DENND3: variants seen among roughly 807,000 people sequenced by gnomAD.
The protein encoded by DENND3 is DENN domain containing 3.
DENND3 carries 88 observed loss-of-function variants against 135.1 expected under a neutral mutation model. The ratio of observed to expected loss-of-function variants is 0.65; its 90% CI spans 0.55 to 0.78. The LOEUF is 0.78. Among genes scored for constraint, DENND3 ranks in the 30% least tolerant of loss-of-function variants. The pLI is 0.00. For missense variants in DENND3, 1,392 were observed against 1,688.4 expected, an observed-to-expected ratio of 0.82 and a Z score of 3.08; for synonymous variants, 693 against 712.3, an observed-to-expected ratio of 0.97 and a Z score of 0.43.
chr8:141,145,436 G>A (rs907361712), intron 5 of DENND3, among the ~76,000 whole-genome samples: 9 of 152,040 alleles, frequency 5.9e-5, no homozygotes, highest in South Asian at 2.1e-4. Context: ...ACTGTAACCC[G>A]GCCCTCTGGG....
chr8:141,192,521 T>C lies in DENND3; in HGVS notation c.3499-5T>C. 6.2e-7 allele frequency: 1 copy of C among 1,600,218 alleles called. No homozygotes were observed. Among genetic ancestry groups the C allele is most frequent in the Non-Finnish European group, 8.5e-7 (1 of 1,171,960 alleles). ...CCATAGCCCACACCGTGCCCTGCGTTTCAGGAGGAGCAGCTGTGGGCGGCC... is the reference window on the plus strand; with the variant it reads ...CCATAGCCCACACCGTGCCCTGCGTCTCAGGAGGAGCAGCTGTGGGCGGCC... On this transcript the variant is annotated splice_region_variant and splice_polypyrimidine_tract_variant and intron_variant, in intron 21 of 22. Transcript: ENST00000519811.
intron 18 of DENND3, 42 bp from the exon 19 acceptor site, chr8:141,188,944 C>G (rs373358836): frequency 3.1e-6 from 5 of 1,602,110 alleles, no homozygotes; most frequent in Non-Finnish European, 3.4e-6. Context: ...TCACCAGTAT[C>G]GAGACTGACT....
rs995499523 is a variant in DENND3 at position 141,182,137 on chromosome 8, C to T, written c.2944+1283C>T. On this transcript the variant is annotated intron_variant, in intron 17 of 22. Coordinates refer to ENST00000519811, the MANE Select transcript of DENND3 (RefSeq NM_001352890.3). This position sits in a 1 kb window ranked among gnomAD's most constrained non-coding sequence, Gnocchi z 5.9. ...ATTGTCACTTTGTTTGTTGCATCTG[C>T]GTCTGCAGGTGTCAGCCGTAGGTGT... Among the ~76,000 whole-genome samples, 2 of 152,182 alleles carry T rather than the reference C, an allele frequency of 1.3e-5. No homozygotes were observed. Among genetic ancestry groups the T allele is most frequent in the South Asian group, 2.1e-4 (1 of 4,828 alleles).
In DENND3 at chr8:141,176,720, A is replaced by G; in HGVS notation, c.2665A>G (p.Lys889Glu). 6.2e-7 allele frequency: 1 copy of G among 1,614,174 alleles called. No homozygotes were observed. The highest frequency in any genetic ancestry group is 8.5e-7 in the Non-Finnish European group (1 of 1,180,018). Reference sequence around the variant, plus strand: ...GTGTGACCTTTGGCACCTGATGGTGAAGGAGATGTGGGCTGGGAAGAAGCT... The same window carrying G: ...GTGTGACCTTTGGCACCTGATGGTGGAGGAGATGTGGGCTGGGAAGAAGCT... Reference protein sequence around the residue: ...TECDLWHLMVKEMWAGKKLAD... With the variant: ...TECDLWHLMVEEMWAGKKLAD... The change falls in exon 15 of 23, where the codon AAG (lysine) becomes GAG (glutamate). Residue 889 changes from lysine (K) to glutamate (E), a missense_variant. Physicochemically the swap from Lys to Glu is moderately conservative, Grantham distance 56. Transcript: ENST00000519811.
Position 141,175,712 on chromosome 8 carries a change from G to T in DENND3, c.2535+253G>T. ...GAATGGTAACTGATTCTCTGTCACA[G>T]CTGACTTGCATCTGGGAGGCAGGAA... is the stretch of plus-strand genomic sequence containing the variant. On this transcript the variant is annotated intron_variant, in intron 14 of 22. Transcript: ENST00000519811. The surrounding 1 kb of genome is among the most constrained non-coding windows in gnomAD (Gnocchi z 5.4). The T allele has an allele frequency of 1.9e-6, 1 of 531,754 alleles. No individual in the cohort carries two copies. The highest frequency in any genetic ancestry group is 3.4e-6 in the Non-Finnish European group (1 of 295,512). The allele number at this position is 531,754 out of a possible 1,614,324, so 32.9% of individuals were successfully genotyped here.
rs931486822 is a variant in DENND3 at position 141,137,578 on chromosome 8, C to T, written c.386-444C>T. Among the ~76,000 whole-genome samples, 6 of 152,206 alleles carry T rather than the reference C, an allele frequency of 3.9e-5. No homozygotes were observed. The highest frequency in any genetic ancestry group is 1.4e-4 in the African/African-American group (6 of 41,430). On this transcript the variant is annotated intron_variant, in intron 2 of 22. Coordinates refer to ENST00000519811, the MANE Select transcript of DENND3 (RefSeq NM_001352890.3). The surrounding 1 kb of genome is among the most constrained non-coding windows in gnomAD (Gnocchi z 4.1). ...AGAAGCACAGGCCTGCACTTAGTCC[C>T]CAGGCTCGCCAGTTCCAGTTAACAG...
chr8:141,138,677 G>T lies in DENND3; in HGVS notation c.501+540G>T, dbSNP rs561348484. 1.4e-4 allele frequency among the ~76,000 whole-genome samples: 21 copies of T among 152,202 alleles called. No individual in the cohort carries two copies. The highest frequency in any genetic ancestry group is 4.8e-4 in the African/African-American group (20 of 41,530). ...CTGGGATTACAGGTGTGAGCGCTGCGCCCGGCCGGCTAATCCCCTTTCTGT... is the reference window on the plus strand; with the variant it reads ...CTGGGATTACAGGTGTGAGCGCTGCTCCCGGCCGGCTAATCCCCTTTCTGT... On this transcript the variant is annotated intron_variant, in intron 3 of 22. Transcript: ENST00000519811. This position sits in a 1 kb window ranked among gnomAD's most constrained non-coding sequence, Gnocchi z 4.8.
chr8:141,188,718 G>C (rs1457579720), intron 18 of DENND3: 6 of 423,002 alleles, frequency 1.4e-5, no homozygotes, highest in Non-Finnish European at 2.5e-5. Flanking sequence ...CGCAGTGACA[G>C]TGCTGGCGGC....
chr8:141,135,858 G>T (rs1191155949), intron 1 of DENND3, among the ~76,000 whole-genome samples: 1 of 152,230 alleles, frequency 6.6e-6, no homozygotes, highest in Non-Finnish European at 1.5e-5. Flanking sequence ...GGACTGTTTG[G>T]TCAGCCGAGG....
rs150945669 is a variant in DENND3 at position 141,192,205 on chromosome 8, G to A, written c.3380-126G>A. 1,788 of 1,329,396 alleles carry A rather than the reference G, an allele frequency of 1.3e-3. 22 individuals carry two copies. The African/African-American group carries it at 0.023, about 17-fold the overall frequency. 82.4% of individuals were successfully genotyped at this position (1,329,396 alleles called of 1,614,324 possible). On this transcript the variant is annotated intron_variant, in intron 20 of 22. Transcript: ENST00000519811. ...GACCTCACCTGTGCATTCCTCAGGC[G>A]CCAGGTGGCACGTGGTGATCCCCCC...
chr8:141,136,943 A>G, intron 2 of DENND3, 152 bp downstream of exon 2: 2 of 629,296 alleles, frequency 3.2e-6, no homozygotes, highest in Non-Finnish European at 4.6e-6. Flanking sequence ...AGTTTTCTTA[A>G]TCTTGGGGAT....
rs1304817644 is a variant in DENND3 at position 141,139,358 on chromosome 8, G to A, written c.501+1221G>A. ...AGGCCCGGATGTTCTTAATGAATAT[G>A]CAGGAGCAAAGCGTACTACTTGATG... is the stretch of plus-strand genomic sequence containing the variant. On this transcript the variant is annotated intron_variant, in intron 3 of 22. Coordinates refer to ENST00000519811, the MANE Select transcript of DENND3 (RefSeq NM_001352890.3). The surrounding 1 kb of genome is among the most constrained non-coding windows in gnomAD (Gnocchi z 4.2). Among the ~76,000 whole-genome samples the A allele has an allele frequency of 1.3e-5, 2 of 152,212 alleles. No homozygotes were observed. Among genetic ancestry groups the A allele is most frequent in the Admixed American group, 6.5e-5 (1 of 15,284 alleles).
At chr8:141,190,564 CA>C in intron 20 of DENND3, 147 bp downstream of exon 20, 1 of 1,244,656 alleles carries the variant, frequency 8.0e-7, no homozygotes, top group Non-Finnish European at 1.1e-6. Flanking sequence ...GTGGTCGCAG[CA>C]ACCTTTACTC....
At chr8:141,161,648 T>C (rs1171806114) in intron 9 of DENND3, among the ~76,000 whole-genome samples, 1 of 152,224 alleles carries the variant, frequency 6.6e-6, no homozygotes, top group African/African-American at 2.4e-5. Context: ...TTCTTGCTGG[T>C]TGCTCCCTGA....
chr8:141,175,805 C>T lies in DENND3; in HGVS notation c.2535+346C>T, dbSNP rs1822256359. On this transcript the variant is annotated intron_variant, in intron 14 of 22. Transcript: ENST00000519811. This position sits in a 1 kb window ranked among gnomAD's most constrained non-coding sequence, Gnocchi z 5.4. Reference sequence around the variant, plus strand: ...CCTTCGTTCATCCATGAGATGTTTACTGAGAAACTGCCATGTGCCAGCCAC... The same window carrying T: ...CCTTCGTTCATCCATGAGATGTTTATTGAGAAACTGCCATGTGCCAGCCAC... The T allele has an allele frequency of 1.2e-5, 4 of 343,092 alleles. No individual in the cohort carries two copies. Among genetic ancestry groups the T allele is most frequent in the South Asian group, 1.1e-4 (4 of 37,194 alleles). The allele number at this position is 343,092 out of a possible 1,614,324, so 21.3% of individuals were successfully genotyped here.
intron 17 of DENND3, chr8:141,184,478 GTAAAAAAAAATAAAAA>G (rs1489616703): frequency 6.7e-6 from 1 of 150,324 alleles, no homozygotes; most frequent in African/African-American, 2.5e-5. Context: ...CTATTAAAAA[GTAAAAAAAAATAAAAA>G]TAAAAAAAAA....
At chr8:141,150,733 T>C (rs1175186684) in intron 5 of DENND3, 101 bp from the exon 6 acceptor site, 2 of 1,420,372 alleles carry the variant, frequency 1.4e-6, no homozygotes, top group Non-Finnish European at 1.9e-6. Context: ...AGAAATGTTT[T>C]CTAACTCTGA....
rs575203877 is a variant in DENND3 at position 141,195,370 on chromosome 8, G to C, written c.*1137G>C. The C allele has an allele frequency of 6.6e-6, 1 of 152,296 alleles. No homozygotes were observed. Among genetic ancestry groups the C allele is most frequent in the East Asian group, 1.9e-4 (1 of 5,198 alleles). The allele number at this position is 152,296 out of a possible 1,614,324, so 9.4% of individuals were successfully genotyped here. A position where few individuals can be genotyped will look rare whatever the true frequency, so the allele number is the denominator to read the frequency against. ...CTCCAGCTTCTCAGGACAAAGCCCC[G>C]GGGCTGGCGCATCCTGAGGGTCTCT... is the stretch of plus-strand genomic sequence containing the variant. On this transcript the variant is annotated 3_prime_UTR_variant, in exon 23 of 23. Transcript: ENST00000519811.
chr8:141,172,630 G>T (rs550726936), intron 13 of DENND3, among the ~76,000 whole-genome samples: 9 of 152,324 alleles, frequency 5.9e-5, no homozygotes. Context: ...CCTTCATTAG[G>T]TGATGGCTTC....
Sources: allele counts gnomAD v4.1 joint callset (sites outside exome capture counted in the v4.1 genomes callset), GRCh38; gene constraint gnomAD v4.1.1; non-coding constraint Gnocchi (gnomAD v3.1); transcripts MANE v1.5; gene names NCBI Gene and HGNC (gene_info 2026-07-23, HGNC 2026-07-21).